Variants in STAT4 observed in about 807,000 individuals in gnomAD.
The protein encoded by STAT4 is signal transducer and activator of transcription 4.
A neutral mutation model predicts 110.5 loss-of-function variants in STAT4; 42 were observed. That is an observed-to-expected ratio of 0.38 (90% confidence interval 0.30 to 0.49). The LOEUF (loss-of-function observed/expected upper bound fraction) is 0.49, where lower values mean the gene tolerates loss of function less well. STAT4 is among the 20% of genes least tolerant of loss of function. STAT4 has a pLI of 0.95. For missense variants in STAT4, 632 were observed against 887.9 expected, an observed-to-expected ratio of 0.71 and a Z score of 3.66; for synonymous variants, 284 against 302.2, an observed-to-expected ratio of 0.94 and a Z score of 0.63.
intron 14 of STAT4, among the ~76,000 whole-genome samples, chr2:191,044,952 T>C (rs1696307826): frequency 6.6e-6 from 1 of 152,208 alleles, no homozygotes; most frequent in African/African-American, 2.4e-5. Flanking sequence ...GTATGCTATA[T>C]GGCTTAGCTG....
Position 191,031,132 on chromosome 2 carries a change from T to G in STAT4, c.2112-52A>C, listed in dbSNP as rs747991220. 1.3e-4 allele frequency: 209 copies of G among 1,568,706 alleles called. 1 individual carries two copies. The highest frequency in any genetic ancestry group is 5.4e-5 in the Non-Finnish European group (62 of 1,140,060). ...GACAAGGATTAAAAAATAATAATAG[T>G]TCACGGTGACTTACTATGTCAGGAA... On this transcript the variant is annotated intron_variant, in intron 22 of 23. Transcript: ENST00000392320. The surrounding 1 kb of genome is among the most constrained non-coding windows in gnomAD (Gnocchi z 4.8).
At chr2:191,072,685 T>A (rs900683975) in intron 5 of STAT4, among the ~76,000 whole-genome samples, 1 of 152,120 alleles carries the variant, frequency 6.6e-6, no homozygotes, top group Non-Finnish European at 1.5e-5. Context: ...AATCTCTAGA[T>A]AGACTGATTA....
In STAT4 at chr2:191,034,161, G is replaced by A. The variant is rs56274559; in HGVS notation, c.1621-156C>T. The stretch of plus-strand genomic sequence containing the variant: ...TTCTTGGCCTGGTGTGGTGGCTCAT[G>A]CCTGTAATCCCAGCACTTTGGGAGG... On this transcript the variant is annotated intron_variant, in intron 18 of 23. Coordinates refer to ENST00000392320, the MANE Select transcript of STAT4 (RefSeq NM_003151.4). Among the ~76,000 whole-genome samples the A allele has an allele frequency of 2.9e-3, 443 of 152,192 alleles. 1 individual carries two copies. The highest frequency in any genetic ancestry group is 0.012 in the East Asian group (64 of 5,170).
chr2:191,072,219 T>C (rs1193516969), intron 5 of STAT4, among the ~76,000 whole-genome samples: 1 of 152,222 alleles, frequency 6.6e-6, no homozygotes, highest in African/African-American at 2.4e-5. Flanking sequence ...ACTTGATTAA[T>C]GTGCTTAAGT....
At chr2:191,057,546 T>G in intron 13 of STAT4, among the ~76,000 whole-genome samples, 1 of 152,056 alleles carries the variant, frequency 6.6e-6, no homozygotes, top group South Asian at 2.1e-4. Context: ...ACTGATGGCA[T>G]GTTTTATTTC....
Position 191,099,513 on chromosome 2 carries a change from G to A in STAT4, c.274-23188C>T, listed in dbSNP as rs1052358331. 2.6e-5 allele frequency among the ~76,000 whole-genome samples: 4 copies of A among 152,068 alleles called. No homozygotes were observed. The highest frequency in any genetic ancestry group is 9.7e-5 in the African/African-American group (4 of 41,434). On this transcript the variant is annotated intron_variant, in intron 3 of 23. Coordinates refer to ENST00000392320, the MANE Select transcript of STAT4 (RefSeq NM_003151.4). The surrounding 1 kb of genome is among the most constrained non-coding windows in gnomAD (Gnocchi z 4.1). ...GTAACACATTTCCTACCATTAAAATGGAGGGATTTCTGTTACGTAAAATTT... is the reference window on the plus strand; with the variant it reads ...GTAACACATTTCCTACCATTAAAATAGAGGGATTTCTGTTACGTAAAATTT...
chr2:191,117,828 T>C lies in STAT4; in HGVS notation c.273+28785A>G, dbSNP rs1251111677. Among the ~76,000 whole-genome samples, 1 of 152,158 alleles carries C rather than the reference T, an allele frequency of 6.6e-6. No individual in the cohort carries two copies. Among genetic ancestry groups the C allele is most frequent in the Non-Finnish European group, 1.5e-5 (1 of 68,026 alleles). On this transcript the variant is annotated intron_variant, in intron 3 of 23. Coordinates refer to ENST00000392320, the MANE Select transcript of STAT4 (RefSeq NM_003151.4). This position sits in a 1 kb window ranked among gnomAD's most constrained non-coding sequence, Gnocchi z 5.2. ...CGAGCCACATTCCCAAATTCCACCT[T>C]TGACCTATTCAGTGAGAATTGGAAA...
At chr2:191,126,366 A>G (rs551503453) in intron 3 of STAT4, among the ~76,000 whole-genome samples, 2 of 152,344 alleles carry the variant, frequency 1.3e-5, no homozygotes, top group African/African-American at 4.8e-5. Context: ...ATGGGGACAA[A>G]TAAACATTTT....
At chr2:191,106,856 G>A (rs979402526) in intron 3 of STAT4, among the ~76,000 whole-genome samples, 1 of 152,036 alleles carries the variant, frequency 6.6e-6, no homozygotes, top group Non-Finnish European at 1.5e-5. Flanking sequence ...CCTGTTGTTA[G>A]GAATCTTATA....
At chr2:191,078,358 T>C (rs375874053) in intron 3 of STAT4, among the ~76,000 whole-genome samples, 1 of 152,200 alleles carries the variant, frequency 6.6e-6, no homozygotes. Flanking sequence ...TTCTTCTACC[T>C]TCCTTTTCAG....
chr2:191,143,046 G>A lies in STAT4; in HGVS notation c.273+3567C>T, dbSNP rs923057599. 6.6e-6 allele frequency among the ~76,000 whole-genome samples: 1 copy of A among 152,134 alleles called. No individual in the cohort carries two copies. Among genetic ancestry groups the A allele is most frequent in the Admixed American group, 6.5e-5 (1 of 15,278 alleles). On this transcript the variant is annotated intron_variant, in intron 3 of 23. Transcript: ENST00000392320. The surrounding 1 kb of genome is among the most constrained non-coding windows in gnomAD (Gnocchi z 5.6). ...AATGTATGCTACCAATGCAAGACATGAATAATAGGTGAAACTGGGATGTGG... is the reference window on the plus strand; with the variant it reads ...AATGTATGCTACCAATGCAAGACATAAATAATAGGTGAAACTGGGATGTGG...
intron 5 of STAT4, among the ~76,000 whole-genome samples, chr2:191,072,620 C>T (rs146425503): frequency 2.0e-3 from 305 of 152,082 alleles, no homozygotes; most frequent in African/African-American, 6.8e-3. Context: ...ATTTTATATA[C>T]AACATGGCAG....
chr2:191,039,187 A>T lies in STAT4; in HGVS notation c.1434+12T>A. On this transcript the variant is annotated intron_variant, in intron 16 of 23. Coordinates refer to ENST00000392320, the MANE Select transcript of STAT4 (RefSeq NM_003151.4). This position sits in a 1 kb window ranked among gnomAD's most constrained non-coding sequence, Gnocchi z 4.7. ...ATAGCATTAAAGAAGTTGAGGTAGA[A>T]ATAGAGTCTACCTGGGAATCGTTGG... 6.2e-7 allele frequency: 1 copy of T among 1,607,460 alleles called. No individual in the cohort carries two copies. The highest frequency in any genetic ancestry group is 8.5e-7 in the Non-Finnish European group (1 of 1,173,856).
rs190545039 is a variant in STAT4, at chr2:191,107,094, C to T, written c.274-30769G>A. Reference sequence around the variant, plus strand: ...TGTCAGCAGTAGAAACGTATGGTTGCGTGAAATGAAATATAGATGTTTCTT... The same window carrying T: ...TGTCAGCAGTAGAAACGTATGGTTGTGTGAAATGAAATATAGATGTTTCTT... On this transcript the variant is annotated intron_variant, in intron 3 of 23. Transcript: ENST00000392320. The surrounding 1 kb of genome is among the most constrained non-coding windows in gnomAD (Gnocchi z 4.2). Among the ~76,000 whole-genome samples the T allele has an allele frequency of 5.3e-5, 8 of 152,170 alleles. No homozygotes were observed. Among genetic ancestry groups the T allele is most frequent in the Admixed American group, 4.6e-4 (7 of 15,290 alleles).
chr2:191,061,962 A>G lies in STAT4; in HGVS notation c.942-141T>C. 1.4e-6 allele frequency: 1 copy of G among 697,398 alleles called. No homozygotes were observed. Among genetic ancestry groups the G allele is most frequent in the Non-Finnish European group, 2.5e-6 (1 of 399,296 alleles). 43.2% of individuals were successfully genotyped at this position (697,398 alleles called of 1,614,324 possible). A position where few individuals can be genotyped will look rare whatever the true frequency, so the allele number is the denominator to read the frequency against. On this transcript the variant is annotated intron_variant, in intron 9 of 23. Coordinates refer to ENST00000392320, the MANE Select transcript of STAT4 (RefSeq NM_003151.4). This position sits in a 1 kb window ranked among gnomAD's most constrained non-coding sequence, Gnocchi z 6.2. ...ATATTCAAACCCCCAATTAAACTCA[A>G]ATCTTTACAATGACTTTTTATAAAT...
chr2:191,146,233 T>A lies in STAT4; in HGVS notation c.273+380A>T, dbSNP rs925102495. Among the ~76,000 whole-genome samples, 1 of 152,146 alleles carries A rather than the reference T, an allele frequency of 6.6e-6. No individual in the cohort carries two copies. Among genetic ancestry groups the A allele is most frequent in the African/African-American group, 2.4e-5 (1 of 41,438 alleles). ...AAGAATACATTCACTCATGATGCTC[T>A]CATTTAGGAATGAGAACAATACTAA... On this transcript the variant is annotated intron_variant, in intron 3 of 23. Transcript: ENST00000392320. The surrounding 1 kb of genome is among the most constrained non-coding windows in gnomAD (Gnocchi z 4.5).
intron 3 of STAT4, among the ~76,000 whole-genome samples, chr2:191,088,804 G>A (rs1224246731): frequency 6.6e-6 from 1 of 152,104 alleles, no homozygotes; most frequent in Non-Finnish European, 1.5e-5. Context: ...TTGACAAAAG[G>A]GCAAATGCGA....
At chr2:191,087,079 A>G (rs757680056) in intron 3 of STAT4, among the ~76,000 whole-genome samples, 4 of 152,140 alleles carry the variant, frequency 2.6e-5, no homozygotes, top group Non-Finnish European at 5.9e-5. Context: ...CTGATTGTCT[A>G]CCTAATATAG....
At chr2:191,064,668 G>T (rs1696937490) in intron 8 of STAT4, 139 bp downstream of exon 8, 2 of 1,059,020 alleles carry the variant, frequency 1.9e-6, no homozygotes, top group African/African-American at 3.3e-5. Context: ...TTCAACTGTA[G>T]ATTTCTCAGC....
Sources: gnomAD v4.1 joint callset for allele counts (sites outside exome capture counted in the v4.1 genomes callset) on GRCh38, gnomAD v4.1.1 for gene constraint, Gnocchi (gnomAD v3.1) non-coding constraint, MANE v1.5 for transcripts, NCBI Gene and HGNC (gene_info 2026-07-23, HGNC 2026-07-21) for gene names.